INPPL1: variants seen among roughly 807,000 people sequenced by gnomAD.
INPPL1 encodes the protein phosphatidylinositol 3,4,5-trisphosphate 5-phosphatase 2.
INPPL1 carries 91 observed loss-of-function variants against 139.3 expected under a neutral mutation model. The ratio of observed to expected loss-of-function variants is 0.65; its 90% CI spans 0.55 to 0.78. The LOEUF (loss-of-function observed/expected upper bound fraction) is 0.78, where lower values mean the gene tolerates loss of function less well. Ranked by LOEUF, INPPL1 falls within the 30% of genes least tolerant of loss-of-function variation. INPPL1 has a pLI of 0.00. For missense variants in INPPL1, 1,411 were observed against 1,665.6 expected, an observed-to-expected ratio of 0.85 and a Z score of 2.66; for synonymous variants, 719 against 686.6, an observed-to-expected ratio of 1.05 and a Z score of -0.74.
rs1433642598 is a variant in INPPL1, at chr11:72,237,173, C to T, written c.2929C>T (p.Pro977Ser). The T allele has an allele frequency of 1.2e-6, 2 of 1,610,872 alleles. No individual in the cohort carries two copies. The highest frequency in any genetic ancestry group is 1.1e-5 in the South Asian group (1 of 90,932). ...PEPEGVAAPP[P>S]KNSFNNPAYY... ...ACCAGAAGGGGTGGCGGCCCCCCCA[C>T]CCAAGAACAGCTTCAATAACCCTGC... The change falls in exon 26 of 28, where the codon CCC (proline) becomes TCC (serine). Residue 977 changes from proline (P) to serine (S), a missense_variant. Physicochemically the swap from Pro to Ser is moderately conservative, Grantham distance 74. Transcript: ENST00000298229.
At chr11:72,225,286 C>T (rs1056936872) in intron 1 of INPPL1, 120 bp downstream of exon 1, 5 of 1,221,112 alleles carry the variant, frequency 4.1e-6, no homozygotes, top group Non-Finnish European at 5.1e-6. Context: ...CGCCTCCACC[C>T]CCCAGAGTGG....
chr11:72,225,321 G>A, intron 1 of INPPL1, 155 bp downstream of exon 1: 1 of 985,448 alleles, frequency 1.0e-6, no homozygotes. Context: ...TCCTGGGTCT[G>A]AGGAGGGACG....
rs749811561 is a variant in INPPL1 at position 72,238,335 on chromosome 11, C to G, written c.3759C>G (p.Thr1253=). ...DPAHKRLLLD[T]LQLSK is the part of the protein sequence containing the mutation. ...CTCACAAGCGCCTCCTTCTGGACACCCTGCAGCTCAGCAAGTGATAGCGGA... is the reference window on the plus strand; with the variant it reads ...CTCACAAGCGCCTCCTTCTGGACACGCTGCAGCTCAGCAAGTGATAGCGGA... Residue 1253 remains threonine, a synonymous_variant, in exon 28 of 28, where the codon ACC becomes ACG. Coordinates refer to ENST00000298229, the MANE Select transcript of INPPL1 (RefSeq NM_001567.4). 5.1e-6 allele frequency: 8 copies of G among 1,565,268 alleles called. No individual in the cohort carries two copies. In the African/African-American group the frequency reaches 8.2e-5, roughly 16 times the overall value.
At position 72,228,484 on chromosome 11, in the gene INPPL1, A is replaced by T. The variant is rs202044589; in HGVS notation, c.383A>T (p.Asp128Val). Residue 128 changes from aspartate to valine, a missense_variant, in exon 3 of 28, where the codon GAC becomes GTC. Physicochemically the swap from Asp to Val is radical, Grantham distance 152. Coordinates refer to ENST00000298229, the MANE Select transcript of INPPL1 (RefSeq NM_001567.4). The surrounding 1 kb of genome is among the most constrained non-coding windows in gnomAD (Gnocchi z 5.0). ...EGEREPDPPD[D>V]RDASDGEDEK... The stretch of plus-strand genomic sequence containing the variant: ...GAGCGAGAGCCGGACCCACCGGATG[A>T]CCGGGATGCCTCAGGTACTTCCCAG... 6.2e-7 allele frequency: 1 copy of T among 1,607,762 alleles called. No homozygotes were observed. Among genetic ancestry groups the T allele is most frequent in the East Asian group, 2.2e-5 (1 of 44,872 alleles).
At chr11:72,229,001 G>A in intron 4 of INPPL1, 89 bp from the exon 5 acceptor site, 1 of 1,528,570 alleles carries the variant, frequency 6.5e-7, no homozygotes, top group Admixed American at 2.0e-5. Flanking sequence ...CGCCCTGGTT[G>A]CCACAGGTAC....
chr11:72,231,396 C>A, intron 12 of INPPL1, 102 bp from the exon 13 acceptor site: 3 of 1,048,524 alleles, frequency 2.9e-6, no homozygotes, highest in Non-Finnish European at 4.4e-6. Context: ...GGGTGGCAAG[C>A]CTTCCTACCC....
rs1205029574 is a variant in INPPL1 at position 72,234,730 on chromosome 11, A to AGT, written c.2415+116_2415+117insTG. 69 of 567,440 alleles carry AGT rather than the reference A, an allele frequency of 1.2e-4. No homozygotes were observed. The highest frequency in any genetic ancestry group is 8.9e-4 in the South Asian group (41 of 46,020). The allele number at this position is 567,440 out of a possible 1,614,324, so 35.2% of individuals were successfully genotyped here. ...GTGGGGCCAGCAGAGAGAGAGAGAG[A>AGT]GAGTGTGTGTGTGTGTGTGTGTGTG... is the stretch of plus-strand genomic sequence containing the variant. On this transcript the variant is annotated intron_variant, in intron 21 of 27. Transcript: ENST00000298229. The surrounding 1 kb of genome is among the most constrained non-coding windows in gnomAD (Gnocchi z 4.2).
chr11:72,233,754 C>A lies in INPPL1; in HGVS notation c.2212+10C>A, dbSNP rs776479166. ...TTCATCTCCAAGAAAGGTGACTGTT[C>A]CAGATATGCTTGTGGGTGTGGCATA... On this transcript the variant is annotated intron_variant, in intron 19 of 27. Transcript: ENST00000298229. 1 of 1,610,242 alleles carries A rather than the reference C, an allele frequency of 6.2e-7. No homozygotes were observed. The highest frequency in any genetic ancestry group is 1.3e-5 in the African/African-American group (1 of 74,812).
At position 72,226,372 on chromosome 11, in the gene INPPL1, G is replaced by A. The variant is rs187883049; in HGVS notation, c.182+1206G>A. On this transcript the variant is annotated intron_variant, in intron 1 of 27. Coordinates refer to ENST00000298229, the MANE Select transcript of INPPL1 (RefSeq NM_001567.4). ...ATTTTTGTATTTTTAGTAGAGATGG[G>A]GTTTCACCATATTGGCCAGGCTGGT... Among the ~76,000 whole-genome samples, 465 of 152,008 alleles carry A rather than the reference G, an allele frequency of 3.1e-3. 3 individuals carry two copies. Among genetic ancestry groups the A allele is most frequent in the African/African-American group, 0.011 (437 of 41,444 alleles).
At position 72,232,103 on chromosome 11, in the gene INPPL1, T is replaced by G. The variant is rs146597807; in HGVS notation, c.1616-137T>G. The G allele has an allele frequency of 2.5e-3, 1,779 of 708,522 alleles. 22 individuals are homozygous for G. In the African/African-American group the frequency reaches 0.029, roughly 11 times the overall value. 43.9% of individuals were successfully genotyped at this position (708,522 alleles called of 1,614,324 possible). On this transcript the variant is annotated intron_variant, in intron 13 of 27. Transcript: ENST00000298229. ...CTCCCCCAGGGAAGGTGTGGGTGTG[T>G]GCAGGGGCCTGCCCATGTCACAGCG...
chr11:72,228,990 CCG>C lies in INPPL1; in HGVS notation c.519-98_519-97del. 6.5e-7 allele frequency: 1 copy of C among 1,528,730 alleles called. No individual in the cohort carries two copies. The highest frequency in any genetic ancestry group is 8.8e-7 in the Non-Finnish European group (1 of 1,136,490). The allele number at this position is 1,528,730 out of a possible 1,614,324, so 94.7% of individuals were successfully genotyped here. On this transcript the variant is annotated intron_variant, in intron 4 of 27. Coordinates refer to ENST00000298229, the MANE Select transcript of INPPL1 (RefSeq NM_001567.4). This position sits in a 1 kb window ranked among gnomAD's most constrained non-coding sequence, Gnocchi z 5.0. ...CCAGAGGCAGATAACCTGATCCATC[CCG>C]CCCTGGTTGCCACAGGTACTATCTC...
At position 72,233,647 on chromosome 11, in the gene INPPL1, C is replaced by T. The variant is rs751780126; in HGVS notation, c.2123-8C>T. The T allele has an allele frequency of 6.2e-7, 1 of 1,613,772 alleles. No homozygotes were observed. The highest frequency in any genetic ancestry group is 8.5e-7 in the Non-Finnish European group (1 of 1,179,700). ...CCCTGAGTCCCCATTCCTATCCCCT[C>T]TCCCCAGGTTGCACTGATGACATCG... On this transcript the variant is annotated splice_polypyrimidine_tract_variant and splice_region_variant and intron_variant, in intron 18 of 27. Transcript: ENST00000298229.
rs375104176 is a variant in INPPL1 at position 72,230,253 on chromosome 11, A to G, written c.1072A>G (p.Thr358Ala). 510 of 1,607,498 alleles carry G rather than the reference A, an allele frequency of 3.2e-4. No homozygotes were observed. Among genetic ancestry groups the G allele is most frequent in the Non-Finnish European group, 4.0e-4 (474 of 1,175,964 alleles). The change falls in exon 9 of 28, where the codon ACC becomes GCC. Residue 358 changes from threonine to alanine, a missense_variant. Physicochemically the swap from Thr to Ala is moderately conservative, Grantham distance 58. Coordinates refer to ENST00000298229, the MANE Select transcript of INPPL1 (RefSeq NM_001567.4). ...GCGGGACTCCCAGGAGGACTGGACCACCTTCACGCACGACCGCAGTGAGCC... is the reference window on the plus strand; with the variant it reads ...GCGGGACTCCCAGGAGGACTGGACCGCCTTCACGCACGACCGCAGTGAGCC... ...RQRDSQEDWT[T>A]FTHDRIRQLI...
In INPPL1 at chr11:72,232,685, A is replaced by G. The variant is rs764640080; in HGVS notation, c.1772A>G (p.Asn591Ser). 6.2e-7 allele frequency: 1 copy of G among 1,613,790 alleles called. No individual in the cohort carries two copies. The highest frequency in any genetic ancestry group is 8.5e-7 in the Non-Finnish European group (1 of 1,179,950). Residue 591 changes from asparagine to serine, a missense_variant, in exon 15 of 28, where the codon AAT becomes AGT. Transcript: ENST00000298229. ...CTCTCGCTGGGCGACCGGCAGCTCAATGCCTTTGACATCTCTCTGCGTTTC... is the reference window on the plus strand; with the variant it reads ...CTCTCGCTGGGCGACCGGCAGCTCAGTGCCTTTGACATCTCTCTGCGTTTC... ...RLLSLGDRQL[N>S]AFDISLRFTH...
intron 5 of INPPL1, 73 bp from the exon 6 acceptor site, chr11:72,229,392 A>G: frequency 6.7e-7 from 1 of 1,483,596 alleles, no homozygotes; most frequent in Non-Finnish European, 9.4e-7. Context: ...GGTGAGGTTG[A>G]GGCTACACCC....
At chr11:72,236,103 C>G (rs1948984183) in intron 25 of INPPL1, 117 bp downstream of exon 25, 2 of 653,396 alleles carry the variant, frequency 3.1e-6, no homozygotes, top group East Asian at 5.5e-5. Flanking sequence ...TGCCCTGCCA[C>G]TCTGTGGTTG....
chr11:72,230,064 G>C, intron 8 of INPPL1, 45 bp downstream of exon 8: 1 of 1,614,008 alleles, frequency 6.2e-7, no homozygotes, highest in Non-Finnish European at 8.5e-7. Context: ...GGTTGGAGGT[G>C]ACCAGGGTGC....
At position 72,229,766 on chromosome 11, in the gene INPPL1, T is replaced by C; in HGVS notation, c.843+14T>C. On this transcript the variant is annotated intron_variant, in intron 7 of 27. Coordinates refer to ENST00000298229, the MANE Select transcript of INPPL1 (RefSeq NM_001567.4). ...ATCCAGAAGAAGGTGGCATGATCTC[T>C]GACCCTTGACCCCCGATTCACTGGC... The C allele has an allele frequency of 6.2e-7, 1 of 1,608,560 alleles. No homozygotes were observed. The highest frequency in any genetic ancestry group is 1.1e-5 in the South Asian group (1 of 90,996).
intron 25 of INPPL1, 114 bp downstream of exon 25, chr11:72,236,100 C>A (rs1948984042): frequency 3.0e-6 from 2 of 657,652 alleles, no homozygotes; most frequent in Non-Finnish European, 5.2e-6. Flanking sequence ...AGGTGCCCTG[C>A]CACTCTGTGG....
Sources: allele counts gnomAD v4.1 joint callset (sites outside exome capture counted in the v4.1 genomes callset), GRCh38; gene constraint gnomAD v4.1.1; non-coding constraint Gnocchi (gnomAD v3.1); transcripts MANE v1.5; gene names NCBI Gene and HGNC (gene_info 2026-07-23, HGNC 2026-07-21).